UBA2: variants seen among roughly 807,000 people sequenced by gnomAD.
The protein encoded by UBA2 is SUMO-activating enzyme subunit 2.
UBA2 carries 11 observed loss-of-function variants against 77.2 expected under a neutral mutation model. That is an observed-to-expected ratio of 0.14 (90% CI 0.09 to 0.24). The LOEUF (loss-of-function observed/expected upper bound fraction) is 0.24. Ranked by LOEUF, UBA2 falls within the 10% of genes least tolerant of loss-of-function variation. The pLI is 1.00. For missense variants in UBA2, 487 were observed against 781.7 expected (o/e 0.62, Z 4.50); for synonymous variants, 278 against 276.7 (o/e 1.00, Z -0.05).
chr19:34,433,464 C>G lies in UBA2; in HGVS notation c.358+52C>G, dbSNP rs750004188. On this transcript the variant is annotated intron_variant, in intron 4 of 16. Transcript: ENST00000246548. Reference sequence around the variant, plus strand: ...TCTCAGTATTTCCTCTCTCCCATATCAAATTTGTTTACAAATTTAATATTT... The same window carrying G: ...TCTCAGTATTTCCTCTCTCCCATATGAAATTTGTTTACAAATTTAATATTT... 6 of 1,197,384 alleles carry G rather than the reference C, an allele frequency of 5.0e-6. No individual in the cohort carries two copies. The East Asian group carries it at 9.3e-5, about 19-fold the overall frequency. 74.2% of individuals were successfully genotyped at this position (1,197,384 alleles called of 1,614,324 possible).
intron 8 of UBA2, among the ~76,000 whole-genome samples, chr19:34,446,730 T>C (rs1355288182): frequency 6.6e-6 from 1 of 151,818 alleles, no homozygotes; most frequent in Non-Finnish European, 1.5e-5. Flanking sequence ...TGCCTCAGCC[T>C]CCTGAGTAGC....
intron 2 of UBA2, among the ~76,000 whole-genome samples, chr19:34,431,558 G>A (rs577485125): frequency 6.6e-6 from 1 of 152,142 alleles, no homozygotes; most frequent in African/African-American, 2.4e-5. Context: ...TACTTGTTAA[G>A]TGAATGAATG....
In UBA2 at chr19:34,450,320, G is replaced by A; in HGVS notation, c.827G>A (p.Arg276Lys). 6.2e-7 allele frequency: 1 copy of A among 1,610,508 alleles called. No individual in the cohort carries two copies. ...LLTMDKLWRKRKPPVPLDWAE... is the reference protein window; with the variant it reads ...LLTMDKLWRKKKPPVPLDWAE... ...ACAATGGACAAACTATGGCGGAAAAGGAAACCTCCAGTTCCGTTGGACTGG... is the reference window on the plus strand; with the variant it reads ...ACAATGGACAAACTATGGCGGAAAAAGAAACCTCCAGTTCCGTTGGACTGG... Residue 276 changes from arginine (R) to lysine (K), a missense_variant, in exon 9 of 17, where the codon AGG becomes AAG. Physicochemically the swap from Arg to Lys is conservative, Grantham distance 26. Around this residue, in one of 9 missense-constraint regions of UBA2, gnomAD observed 300 missense variants for 454.3 expected, o/e 0.66. Transcript: ENST00000246548.
chr19:34,441,063 A>G (rs892984020), intron 6 of UBA2, among the ~76,000 whole-genome samples: 2 of 152,208 alleles, frequency 1.3e-5, no homozygotes, highest in African/African-American at 2.4e-5. Context: ...TCATTAGGAA[A>G]TTAAAGATAA....
chr19:34,430,153 C>T (rs2075235845), intron 1 of UBA2: 1 of 154,220 alleles, frequency 6.5e-6, no homozygotes, highest in Non-Finnish European at 1.4e-5. Context: ...AAGCGATTCT[C>T]TCACTTTGTC....
intron 6 of UBA2, among the ~76,000 whole-genome samples, chr19:34,441,151 T>C (rs2075364632): frequency 6.6e-6 from 1 of 152,062 alleles, no homozygotes; most frequent in Admixed American, 6.6e-5. Flanking sequence ...AAGTTTCTAC[T>C]AAAACAGAAT....
At chr19:34,442,505 C>T (rs1278832842) in intron 6 of UBA2, among the ~76,000 whole-genome samples, 1 of 151,940 alleles carries the variant, frequency 6.6e-6, no homozygotes, top group South Asian at 2.1e-4. Context: ...GAGTGCAGTG[C>T]AACTGCAATC....
Position 34,469,761 on chromosome 19 carries a change from C to G in UBA2, c.*540C>G, listed in dbSNP as rs2145577363. 2.6e-5 allele frequency: 4 copies of G among 152,660 alleles called. 1 individual carries two copies. The highest frequency in any genetic ancestry group is 2.6e-4 in the Admixed American group (4 of 15,276). 9.5% of individuals were successfully genotyped at this position (152,660 alleles called of 1,614,324 possible). ...TACTCAAGTTTTCAGTTTGTACCGC[C>G]TGGTATGTCTGTGTAAGAAGCCAAT... On this transcript the variant is annotated 3_prime_UTR_variant, in exon 17 of 17. Transcript: ENST00000246548.
chr19:34,433,515 A>T, intron 4 of UBA2, 103 bp downstream of exon 4: 1 of 822,370 alleles, frequency 1.2e-6, no homozygotes. Flanking sequence ...TTTAGAACTT[A>T]AAAGACTTAA....
intron 3 of UBA2, 49 bp downstream of exon 3, chr19:34,431,980 C>A: frequency 8.6e-6 from 8 of 926,468 alleles, no homozygotes; most frequent in East Asian, 5.4e-5. Context: ...TTTTGTAAGC[C>A]AAATATATAA....
chr19:34,453,445 C>T (rs2075524089), intron 10 of UBA2, among the ~76,000 whole-genome samples: 1 of 150,790 alleles, frequency 6.6e-6, no homozygotes, highest in African/African-American at 2.4e-5. Flanking sequence ...GAGAGTGGTG[C>T]ATATGAAGAG....
At chr19:34,468,832 AT>A (rs2145575719) in intron 16 of UBA2, among the ~76,000 whole-genome samples, 1 of 152,324 alleles carries the variant, frequency 6.6e-6, no homozygotes, top group South Asian at 2.1e-4. Context: ...GCTTGTCACA[AT>A]TTTTTGTTTT....
chr19:34,430,471 A>G lies in UBA2; in HGVS notation c.139-105A>G, dbSNP rs1026104330. ...CGATTCGAAAAACGCTTTCTCCACTAATGTAGCAGATATCAAAAGTTCTGG... is the reference window on the plus strand; with the variant it reads ...CGATTCGAAAAACGCTTTCTCCACTGATGTAGCAGATATCAAAAGTTCTGG... On this transcript the variant is annotated intron_variant, in intron 1 of 16. Coordinates refer to ENST00000246548, the MANE Select transcript of UBA2 (RefSeq NM_005499.3). 2.1e-5 allele frequency: 15 copies of G among 711,926 alleles called. No individual in the cohort carries two copies. In the African/African-American group the frequency reaches 2.7e-4, roughly 13 times the overall value. 44.1% of individuals were successfully genotyped at this position (711,926 alleles called of 1,614,324 possible).
At chr19:34,439,386 T>C (rs1381771984) in intron 6 of UBA2, among the ~76,000 whole-genome samples, 1 of 152,142 alleles carries the variant, frequency 6.6e-6, no homozygotes, top group Non-Finnish European at 1.5e-5. Flanking sequence ...GTACTGATAA[T>C]GATGAAAATG....
chr19:34,433,374 G>T lies in UBA2; in HGVS notation c.320G>T (p.Arg107Leu). ...CCTGACTATAATGTGGAATTTTTCC[G>T]ACAGTTTATACTGGTTATGAATGCT... ...MNPDYNVEFF[R>L]QFILVMNALD... is the part of the protein sequence containing the mutation. The change falls in exon 4 of 17, where the codon CGA becomes CTA. Residue 107 changes from arginine to leucine, a missense_variant. Around this residue, in one of 9 missense-constraint regions of UBA2, gnomAD observed 66 missense variants for 112.0 expected, o/e 0.59. Transcript: ENST00000246548. 1 of 1,611,870 alleles carries T rather than the reference G, an allele frequency of 6.2e-7. No homozygotes were observed. Among genetic ancestry groups the T allele is most frequent in the Non-Finnish European group, 8.5e-7 (1 of 1,178,866 alleles).
intron 5 of UBA2, among the ~76,000 whole-genome samples, chr19:34,438,397 G>A (rs565756812): frequency 6.6e-6 from 1 of 152,240 alleles, no homozygotes; most frequent in Admixed American, 6.5e-5. Context: ...TTTTATTTGG[G>A]CTTGTAAGTC....
intron 16 of UBA2, among the ~76,000 whole-genome samples, chr19:34,468,279 C>T (rs1306079817): frequency 6.6e-6 from 1 of 152,200 alleles, no homozygotes; most frequent in Non-Finnish European, 1.5e-5. Context: ...GACGAACATT[C>T]AGATTATGGC....
intron 5 of UBA2, among the ~76,000 whole-genome samples, chr19:34,437,115 A>G (rs1297015031): frequency 1.3e-5 from 2 of 151,946 alleles, no homozygotes; most frequent in Non-Finnish European, 2.9e-5. Context: ...TTCTTGAACA[A>G]TTAGCCTGGC....
At chr19:34,463,885 C>A in intron 14 of UBA2, 141 bp from the exon 15 acceptor site, 1 of 629,460 alleles carries the variant, frequency 1.6e-6, no homozygotes. Context: ...TTCTGAGATA[C>A]TGGGGATTAG....
Sources: gnomAD v4.1 joint callset for allele counts (sites outside exome capture counted in the v4.1 genomes callset) on GRCh38, gnomAD v4.1.1 for gene constraint, gnomAD v4.1.1 regional missense constraint, MANE v1.5 for transcripts, NCBI Gene and HGNC (gene_info 2026-07-23, HGNC 2026-07-21) for gene names.